The following TAFA2 variants were observed in gnomAD, a reference collection of about 807,000 sequenced individuals.
TAFA2 encodes TAFA chemokine like family member 2.
A neutral mutation model predicts 18.8 loss-of-function variants in TAFA2; 7 were observed. That is an observed-to-expected ratio of 0.37 (90% confidence interval 0.21 to 0.70). The LOEUF (loss-of-function observed/expected upper bound fraction) is 0.70, where lower values mean the gene tolerates loss of function less well. Ranked by LOEUF, TAFA2 falls within the 30% of genes least tolerant of loss-of-function variation. TAFA2 has a pLI of 0.53. For synonymous variants in TAFA2, 60 were observed against 54.2 expected (o/e 1.11, Z -0.47); for missense variants, 122 against 158.1 (o/e 0.77, Z 1.23).
At chr12:62,103,528 G>A (rs1235269659) in intron 1 of TAFA2, among the ~76,000 whole-genome samples, 2 of 152,216 alleles carry the variant, frequency 1.3e-5, no homozygotes, top group Non-Finnish European at 2.9e-5. Flanking sequence ...GATCACCTGA[G>A]GTCAGGAGTT....
intron 1 of TAFA2, among the ~76,000 whole-genome samples, chr12:62,201,511 T>A (rs1480726790): frequency 6.6e-6 from 1 of 152,248 alleles, no homozygotes; most frequent in Non-Finnish European, 1.5e-5. Flanking sequence ...GGTTACTGTC[T>A]TTAATTCTGT....
intron 1 of TAFA2, among the ~76,000 whole-genome samples, chr12:62,224,885 T>A (rs907070712): frequency 1.3e-5 from 2 of 152,166 alleles, no homozygotes; most frequent in Admixed American, 6.6e-5. Context: ...TTTCGCAGAT[T>A]TTTAAAATTA....
At chr12:62,002,976 C>T (rs989308982) in intron 1 of TAFA2, among the ~76,000 whole-genome samples, 2 of 152,114 alleles carry the variant, frequency 1.3e-5, no homozygotes, top group African/African-American at 4.8e-5. Context: ...CATCTGACAT[C>T]CTCTCTACCC....
intron 1 of TAFA2, among the ~76,000 whole-genome samples, chr12:61,984,054 C>T (rs55721110): frequency 5.9e-5 from 9 of 152,272 alleles, no homozygotes; most frequent in Non-Finnish European, 8.8e-5. Flanking sequence ...CATATAAACA[C>T]GCACTCATTT....
At chr12:61,715,336 C>T (rs770320948) in intron 4 of TAFA2, among the ~76,000 whole-genome samples, 3 of 151,718 alleles carry the variant, frequency 2.0e-5, no homozygotes, top group African/African-American at 4.8e-5. Context: ...TTTAATTAAT[C>T]TATTTATTTT....
chr12:62,246,176 C>T (rs1362666653), intron 1 of TAFA2, among the ~76,000 whole-genome samples: 2 of 152,046 alleles, frequency 1.3e-5, no homozygotes, highest in Admixed American at 6.6e-5. Context: ...TTAGTAGAGA[C>T]GGGGTTTCAC....
intron 1 of TAFA2, among the ~76,000 whole-genome samples, chr12:62,240,723 C>A (rs927331319): frequency 6.6e-6 from 1 of 152,050 alleles, no homozygotes; most frequent in Non-Finnish European, 1.5e-5. Context: ...GGTTCCCAAC[C>A]CCCAGGCCAC....
intron 1 of TAFA2, among the ~76,000 whole-genome samples, chr12:61,938,821 C>G (rs553037655): frequency 6.6e-6 from 1 of 152,004 alleles, no homozygotes; most frequent in Non-Finnish European, 1.5e-5. Context: ...AAACCAAATA[C>G]CTTATGCTTA....
chr12:62,185,689 T>A (rs2136956004), intron 1 of TAFA2, among the ~76,000 whole-genome samples: 1 of 152,360 alleles, frequency 6.6e-6, no homozygotes, highest in Non-Finnish European at 1.5e-5. Context: ...AAGCTAGTAA[T>A]GATAAAAATA....
At chr12:62,021,783 A>G (rs561654014) in intron 1 of TAFA2, 156 of 1,029,240 alleles carry the variant, frequency 1.5e-4, no homozygotes, top group Non-Finnish European at 2.2e-4. Context: ...CACATGGCAC[A>G]TGGCAGTGAC....
intron 1 of TAFA2, among the ~76,000 whole-genome samples, chr12:61,947,336 T>C (rs1044259011): frequency 6.1e-5 from 9 of 146,460 alleles, no homozygotes; most frequent in East Asian, 2.1e-4. Context: ...AGGGATAGCA[T>C]TGGGAGATAT....
intron 1 of TAFA2, among the ~76,000 whole-genome samples, chr12:61,994,804 C>T (rs1262580255): frequency 6.6e-6 from 1 of 152,082 alleles, no homozygotes; most frequent in African/African-American, 2.4e-5. Context: ...TTTTTCTTAG[C>T]CTCTTTTCTG....
chr12:61,753,725 C>T lies in TAFA2; in HGVS notation c.281G>A (p.Trp94Ter), dbSNP rs1488076889. ...TAGACATGGCTGCATATGGCACCAC[C>T]ATTTCTGTTCCACTATTGAAGCTAT... is the stretch of plus-strand genomic sequence containing the variant. ...CVDASIVEQKWWCHMQPCLEG... is the reference protein window; with the variant it reads ...CVDASIVEQK Residue 94 changes from tryptophan to a stop codon, truncating the protein, a stop_gained, in exon 4 of 5, where the codon TGG becomes TAG. Coordinates refer to ENST00000416284, the MANE Select transcript of TAFA2 (RefSeq NM_178539.5). LOFTEE classifies it high-confidence loss of function. 1 of 1,611,478 alleles carries T rather than the reference C, an allele frequency of 6.2e-7. No individual in the cohort carries two copies. The highest frequency in any genetic ancestry group is 1.7e-5 in the Admixed American group (1 of 59,640).
At chr12:61,722,815 T>C (rs897643862) in intron 4 of TAFA2, among the ~76,000 whole-genome samples, 1 of 152,158 alleles carries the variant, frequency 6.6e-6, no homozygotes, top group Admixed American at 6.6e-5. Context: ...TTATTCCACC[T>C]GGTGTGTATA....
intron 1 of TAFA2, among the ~76,000 whole-genome samples, chr12:62,136,804 C>A (rs1870913206): frequency 6.6e-6 from 1 of 152,096 alleles, no homozygotes; most frequent in Non-Finnish European, 1.5e-5. Flanking sequence ...TAGCCATTGG[C>A]TAAGTAAAGC....
chr12:61,859,101 G>C (rs1220580391), intron 2 of TAFA2, among the ~76,000 whole-genome samples: 1 of 152,246 alleles, frequency 6.6e-6, no homozygotes, highest in Non-Finnish European at 1.5e-5. Flanking sequence ...ATAAAGGAAA[G>C]AGGTTTAATT....
At chr12:61,891,444 C>T (rs1875630784) in intron 1 of TAFA2, among the ~76,000 whole-genome samples, 1 of 152,114 alleles carries the variant, frequency 6.6e-6, no homozygotes, top group Non-Finnish European at 1.5e-5. Context: ...GTCAGGAGTT[C>T]AAGACCAGCC....
At chr12:61,956,817 A>G (rs1878712148) in intron 1 of TAFA2, among the ~76,000 whole-genome samples, 1 of 152,086 alleles carries the variant, frequency 6.6e-6, no homozygotes, top group Non-Finnish European at 1.5e-5. Flanking sequence ...TCTTTCTTCA[A>G]TGGGTGTGTC....
chr12:61,900,225 GA>G, intron 1 of TAFA2, among the ~76,000 whole-genome samples: 1 of 152,148 alleles, frequency 6.6e-6, no homozygotes, highest in Non-Finnish European at 1.5e-5. Context: ...TTATGCATGA[GA>G]AAAAATTATT....
Sources: allele counts gnomAD v4.1 joint callset (sites outside exome capture counted in the v4.1 genomes callset), GRCh38; gene constraint gnomAD v4.1.1; transcripts MANE v1.5; gene names NCBI Gene and HGNC (gene_info 2026-07-23, HGNC 2026-07-21).